SEMA5A: variants seen among roughly 807,000 people sequenced by gnomAD.
The protein encoded by SEMA5A is semaphorin-5A.
In SEMA5A, 55 loss-of-function variants were observed where a neutral mutation model predicts 135.5. The ratio of observed to expected loss-of-function variants is 0.41; its 90% CI spans 0.33 to 0.51. The LOEUF is 0.51. Ranked by LOEUF, SEMA5A falls within the 20% of genes least tolerant of loss-of-function variation. The pLI is 0.37. For synonymous variants in SEMA5A, 580 were observed against 546.5 expected (o/e 1.06, Z -0.85); for missense variants, 1,290 against 1,419.9 (o/e 0.91, Z 1.47).
chr5:9,321,973 GCA>G (rs1410155978), intron 4 of SEMA5A, among the ~76,000 whole-genome samples: 3 of 152,228 alleles, frequency 2.0e-5, no homozygotes, highest in Non-Finnish European at 4.4e-5. Context: ...AAAGACGATA[GCA>G]CAGTCTGCAG....
chr5:9,400,812 C>T (rs1056337994), intron 2 of SEMA5A, among the ~76,000 whole-genome samples: 2 of 152,080 alleles, frequency 1.3e-5, no homozygotes, highest in Non-Finnish European at 2.9e-5. Flanking sequence ...TAGCTCATTG[C>T]CCTGTTAATA....
At chr5:9,144,965 T>C (rs2150237726) in intron 12 of SEMA5A, among the ~76,000 whole-genome samples, 1 of 152,158 alleles carries the variant, frequency 6.6e-6, no homozygotes, top group South Asian at 2.1e-4. Flanking sequence ...CCGGAGACCA[T>C]GAGAAGTATA....
rs1004907471 is a variant in SEMA5A, at chr5:9,441,509, C to T, written c.-174-3657G>A. On this transcript the variant is annotated intron_variant, in intron 1 of 22. Transcript: ENST00000382496. ...CTGGAGTTGGGTGGAAACCCCACCA[C>T]GGAGCCCACCAAGATAAGAGTTTGC... is the stretch of plus-strand genomic sequence containing the variant. Among the ~76,000 whole-genome samples the T allele has an allele frequency of 8.6e-5, 13 of 152,034 alleles. 1 individual carries two copies. Among genetic ancestry groups the T allele is most frequent in the African/African-American group, 2.7e-4 (11 of 41,368 alleles).
chr5:9,106,096 T>C (rs568375235), intron 16 of SEMA5A, among the ~76,000 whole-genome samples: 1 of 152,134 alleles, frequency 6.6e-6, no homozygotes, highest in East Asian at 1.9e-4. Flanking sequence ...CACTGAGAAG[T>C]GGATTGCTCC....
At chr5:9,544,212 T>C (rs958893932) in intron 1 of SEMA5A, among the ~76,000 whole-genome samples, 2 of 152,170 alleles carry the variant, frequency 1.3e-5, no homozygotes, top group Admixed American at 1.3e-4. Context: ...GTAAAACTTG[T>C]CTTTCTTCAA....
intron 11 of SEMA5A, among the ~76,000 whole-genome samples, chr5:9,163,586 A>G (rs573673482): frequency 5.5e-4 from 84 of 152,314 alleles, no homozygotes; most frequent in Middle Eastern, 6.8e-3. Flanking sequence ...TTATACTAAG[A>G]TAGAGTCTGT....
At chr5:9,145,595 G>A (rs1742284489) in intron 12 of SEMA5A, among the ~76,000 whole-genome samples, 1 of 151,332 alleles carries the variant, frequency 6.6e-6, no homozygotes, top group African/African-American at 2.4e-5. Context: ...TTAAATTTGA[G>A]AGCTCAAAAG....
intron 5 of SEMA5A, among the ~76,000 whole-genome samples, chr5:9,305,553 C>T (rs192741562): frequency 2.1e-4 from 32 of 151,880 alleles, no homozygotes; most frequent in African/African-American, 4.6e-4. Context: ...GAGTGACCAC[C>T]GATGTCACTA....
chr5:9,108,010 C>G, intron 16 of SEMA5A, 130 bp downstream of exon 16: 1 of 1,188,950 alleles, frequency 8.4e-7, no homozygotes, highest in Non-Finnish European at 1.2e-6. Flanking sequence ...CAAATTTGTG[C>G]AGAGCCTCTA....
chr5:9,519,603 G>A (rs1736704155), intron 1 of SEMA5A, among the ~76,000 whole-genome samples: 1 of 152,174 alleles, frequency 6.6e-6, no homozygotes, highest in South Asian at 2.1e-4. Context: ...AGCCCTCCAT[G>A]TCTTAATAGA....
intron 8 of SEMA5A, among the ~76,000 whole-genome samples, chr5:9,220,649 G>A (rs1746892436): frequency 6.6e-6 from 1 of 152,174 alleles, no homozygotes; most frequent in South Asian, 2.1e-4. Context: ...AATTCCCAGG[G>A]ATAAGCAAAG....
At chr5:9,107,045 AG>A (rs1739956590) in intron 16 of SEMA5A, among the ~76,000 whole-genome samples, 1 of 152,244 alleles carries the variant, frequency 6.6e-6, no homozygotes, top group South Asian at 2.1e-4. Flanking sequence ...ATGTCACAAA[AG>A]CAGGCTTTAC....
Position 9,041,301 on chromosome 5 carries a change from C to A in SEMA5A, c.*1596G>T, listed in dbSNP as rs1735953193. The A allele has an allele frequency of 1.3e-5, 2 of 152,110 alleles. No homozygotes were observed. Among genetic ancestry groups the A allele is most frequent in the Non-Finnish European group, 2.9e-5 (2 of 68,034 alleles). 9.4% of individuals were successfully genotyped at this position (152,110 alleles called of 1,614,324 possible). A position where few individuals can be genotyped will look rare whatever the true frequency, so the allele number is the denominator to read the frequency against. ...AATAAAATTCTATGTTCCTTAGTCC[C>A]CCTACTATATTTTCTTTCATAGATC... On this transcript the variant is annotated 3_prime_UTR_variant, in exon 23 of 23. Coordinates refer to ENST00000382496, the MANE Select transcript of SEMA5A (RefSeq NM_003966.3).
chr5:9,083,847 T>A (rs1170279322), intron 16 of SEMA5A, among the ~76,000 whole-genome samples: 1 of 152,216 alleles, frequency 6.6e-6, no homozygotes, highest in East Asian at 1.9e-4. Flanking sequence ...ATTGTCACTC[T>A]GGCCAACCCC....
intron 1 of SEMA5A, chr5:9,518,179 A>G (rs1736630220): frequency 6.6e-6 from 1 of 152,250 alleles, no homozygotes; most frequent in Non-Finnish European, 1.5e-5. Context: ...CTCATGCACC[A>G]TCATAAATTG....
intron 8 of SEMA5A, among the ~76,000 whole-genome samples, chr5:9,218,901 T>G (rs756356214): frequency 1.3e-5 from 2 of 152,250 alleles, no homozygotes; most frequent in African/African-American, 2.4e-5. Flanking sequence ...AACTCCCTAC[T>G]ACATCTCAGA....
intron 15 of SEMA5A, among the ~76,000 whole-genome samples, chr5:9,117,189 C>T (rs1247917637): frequency 6.6e-6 from 1 of 152,204 alleles, no homozygotes; most frequent in Non-Finnish European, 1.5e-5. Flanking sequence ...GAAGACACCG[C>T]TGTATGAAAA....
intron 5 of SEMA5A, chr5:9,265,412 A>T (rs746576595): frequency 4.4e-6 from 2 of 456,150 alleles, no homozygotes; most frequent in South Asian, 3.1e-5. Context: ...CCATCCTTCT[A>T]TGGAAACCAC....
intron 2 of SEMA5A, among the ~76,000 whole-genome samples, chr5:9,391,620 C>CA (rs535610056): frequency 2.9e-3 from 440 of 152,274 alleles, no homozygotes; most frequent in Non-Finnish European, 4.9e-3. Context: ...ACTACTTCCT[C>CA]AAAAAATGTA....
Sources: allele counts gnomAD v4.1 joint callset (sites outside exome capture counted in the v4.1 genomes callset), GRCh38; gene constraint gnomAD v4.1.1; transcripts MANE v1.5; gene names NCBI Gene and HGNC (gene_info 2026-07-23, HGNC 2026-07-21).